The following SPECC1 variants were observed in gnomAD, a reference collection of about 807,000 sequenced individuals.
SPECC1 encodes sperm antigen with calponin homology and coiled-coil domains 1.
SPECC1 carries 62 observed loss-of-function variants against 104.1 expected under a neutral mutation model. The ratio of observed to expected loss-of-function variants is 0.60; its 90% CI spans 0.49 to 0.74. The LOEUF (loss-of-function observed/expected upper bound fraction) is 0.74. Among genes scored for constraint, SPECC1 ranks in the 30% least tolerant of loss-of-function variants. The probability of loss-of-function intolerance (pLI) is 0.00; values close to 1 mark genes in which losing one functional copy is unlikely to be tolerated. For missense variants in SPECC1, 1,306 were observed against 1,310.5 expected (o/e 1.00, Z 0.05); for synonymous variants, 513 against 501.6 (o/e 1.02, Z -0.30).
intron 5 of SPECC1, among the ~76,000 whole-genome samples, 168 bp downstream of exon 5, chr17:20,227,788 G>A (rs1348791879): frequency 8.5e-5 from 13 of 152,234 alleles, no homozygotes; most frequent in African/African-American, 2.9e-4. Context: ...GGTGGTGGGC[G>A]CCTGTAATCC....
chr17:20,254,578 A>T (rs993477379), intron 10 of SPECC1, among the ~76,000 whole-genome samples: 11 of 152,180 alleles, frequency 7.2e-5, no homozygotes, highest in African/African-American at 2.7e-4. Context: ...AAGGGACAAC[A>T]GTGCTCAAGC....
At chr17:20,191,191 A>G (rs1369704046) in intron 3 of SPECC1, among the ~76,000 whole-genome samples, 2 of 152,196 alleles carry the variant, frequency 1.3e-5, no homozygotes, top group Non-Finnish European at 2.9e-5. Context: ...GTAAAGATCC[A>G]TGTGCAGGTT....
At chr17:20,065,558 A>G (rs927203359) in intron 1 of SPECC1, among the ~76,000 whole-genome samples, 1 of 152,240 alleles carries the variant, frequency 6.6e-6, no homozygotes, top group Non-Finnish European at 1.5e-5. Context: ...CCCTGGGTGC[A>G]CTACCCTCCA....
At chr17:20,272,023 G>A (rs2040425960) in intron 12 of SPECC1, among the ~76,000 whole-genome samples, 1 of 150,324 alleles carries the variant, frequency 6.7e-6, no homozygotes, top group Non-Finnish European at 1.5e-5. Flanking sequence ...AAAGCTCATA[G>A]GAGGTTCTGG....
chr17:20,049,039 TTCCCAG>T (rs1365180694), intron 1 of SPECC1, among the ~76,000 whole-genome samples: 1 of 152,148 alleles, frequency 6.6e-6, no homozygotes, highest in Admixed American at 6.5e-5. Flanking sequence ...TAGCTCCCAG[TTCCCAG>T]CCCCAGGAAG....
intron 1 of SPECC1, chr17:20,017,725 C>T (rs546277893): frequency 1.3e-5 from 2 of 152,358 alleles, no homozygotes; most frequent in Middle Eastern, 3.4e-3. Context: ...GCATTATTCT[C>T]TATCTGGTCT....
At chr17:20,308,651 T>TCA in intron 14 of SPECC1, among the ~76,000 whole-genome samples, 1 of 152,280 alleles carries the variant, frequency 6.6e-6, no homozygotes. Flanking sequence ...TAAAATGTAG[T>TCA]CACACACACA....
chr17:20,127,261 G>C (rs1353094717), intron 3 of SPECC1, among the ~76,000 whole-genome samples: 1 of 152,022 alleles, frequency 6.6e-6, no homozygotes, highest in Non-Finnish European at 1.5e-5. Context: ...TTGTTTCATA[G>C]GTGCATATTT....
chr17:20,074,979 T>C (rs4925076), intron 1 of SPECC1, among the ~76,000 whole-genome samples: 43,923 of 152,050 alleles, frequency 0.29, 6,860 homozygotes, highest in Middle Eastern at 0.43. Context: ...CTCGGCTTAC[T>C]GCAACCTCTG....
At chr17:20,249,155 C>T (rs1363200606) in intron 9 of SPECC1, among the ~76,000 whole-genome samples, 1 of 152,182 alleles carries the variant, frequency 6.6e-6, no homozygotes, top group African/African-American at 2.4e-5. Context: ...TGCAGTGGCT[C>T]ATGCCTGTAA....
intron 2 of SPECC1, among the ~76,000 whole-genome samples, chr17:20,104,890 A>C (rs1209463932): frequency 6.6e-6 from 1 of 151,886 alleles, no homozygotes; most frequent in African/African-American, 2.4e-5. Flanking sequence ...CCTCCTTCCA[A>C]AGGAGGATTT....
chr17:20,092,392 G>T (rs529691255), intron 1 of SPECC1, among the ~76,000 whole-genome samples: 1 of 151,878 alleles, frequency 6.6e-6, no homozygotes, highest in Admixed American at 6.6e-5. Flanking sequence ...ATAAGAAAAC[G>T]ATTACTCAGC....
chr17:20,213,086 C>G (rs1174093905), intron 4 of SPECC1, among the ~76,000 whole-genome samples: 1 of 151,850 alleles, frequency 6.6e-6, no homozygotes, highest in African/African-American at 2.4e-5. Flanking sequence ...CCTTAGAGCT[C>G]TTATTCTTTT....
At chr17:20,285,283 C>G (rs2040905465) in intron 12 of SPECC1, among the ~76,000 whole-genome samples, 1 of 152,198 alleles carries the variant, frequency 6.6e-6, no homozygotes, top group Non-Finnish European at 1.5e-5. Context: ...TTAGTACAAC[C>G]TCAACACTCT....
intron 3 of SPECC1, among the ~76,000 whole-genome samples, chr17:20,187,863 G>A (rs1222884980): frequency 6.6e-6 from 1 of 152,212 alleles, no homozygotes; most frequent in African/African-American, 2.4e-5. Context: ...AATGTTTTGA[G>A]TGAAGATTTA....
At chr17:20,024,608 GTCTCTGGC>G (rs1262390319) in intron 1 of SPECC1, among the ~76,000 whole-genome samples, 1 of 152,196 alleles carries the variant, frequency 6.6e-6, no homozygotes, top group Non-Finnish European at 1.5e-5. Flanking sequence ...CCTTGTCACT[GTCTCTGGC>G]CAAGTATGGC....
chr17:20,288,281 G>A (rs1229260306), intron 12 of SPECC1, among the ~76,000 whole-genome samples: 1 of 152,022 alleles, frequency 6.6e-6, no homozygotes, highest in Non-Finnish European at 1.5e-5. Context: ...TATAATAGAA[G>A]GATTTATATT....
chr17:20,106,758 T>C (rs1256499340), intron 2 of SPECC1, among the ~76,000 whole-genome samples: 2 of 152,208 alleles, frequency 1.3e-5, no homozygotes, highest in Non-Finnish European at 2.9e-5. Flanking sequence ...ACTAAACCTC[T>C]TTCCTTTGTA....
intron 10 of SPECC1, among the ~76,000 whole-genome samples, chr17:20,257,104 G>A (rs2039860690): frequency 6.6e-6 from 1 of 152,172 alleles, no homozygotes; most frequent in Admixed American, 6.5e-5. Context: ...TCTCTCAGAT[G>A]TCTGTCAGTT....
Sources: gnomAD v4.1 joint callset for allele counts (sites outside exome capture counted in the v4.1 genomes callset) on GRCh38, gnomAD v4.1.1 for gene constraint, MANE v1.5 for transcripts, NCBI Gene and HGNC (gene_info 2026-07-23, HGNC 2026-07-21) for gene names.